The following GMDS variants were observed in gnomAD, a reference collection of about 807,000 sequenced individuals.
The protein encoded by GMDS is GDP-mannose 4,6 dehydratase.
GMDS carries 20 observed loss-of-function variants against 49.9 expected under a neutral mutation model. The observed-to-expected ratio is 0.40, with a 90% CI of 0.28 to 0.58. The LOEUF (loss-of-function observed/expected upper bound fraction) is 0.58. GMDS is among the 20% of genes least tolerant of loss of function. The pLI, the probability that GMDS is intolerant of heterozygous loss-of-function variation, is 0.42. For missense variants in GMDS, 362 were observed against 481.4 expected (o/e 0.75, Z 2.32); for synonymous variants, 177 against 178.6 (o/e 0.99, Z 0.07).
intron 4 of GMDS, among the ~76,000 whole-genome samples, chr6:2,009,761 A>C (rs1767432273): frequency 6.6e-6 from 1 of 152,324 alleles, no homozygotes; most frequent in East Asian, 1.9e-4. Flanking sequence ...AAAAGCTGCC[A>C]ATGTCAATGA....
intron 7 of GMDS, among the ~76,000 whole-genome samples, chr6:1,750,361 C>A (rs566163086): frequency 1.1e-4 from 16 of 152,292 alleles, no homozygotes; most frequent in African/African-American, 3.8e-4. Flanking sequence ...CAGGTGATTT[C>A]TGCATTTCCA....
At chr6:1,834,959 A>G (rs1258521649) in intron 7 of GMDS, among the ~76,000 whole-genome samples, 1 of 152,154 alleles carries the variant, frequency 6.6e-6, no homozygotes, top group African/African-American at 2.4e-5. Flanking sequence ...TTTCACGGAG[A>G]ATGTTCTTGT....
intron 1 of GMDS, among the ~76,000 whole-genome samples, chr6:2,227,623 T>C (rs1182136430): frequency 6.6e-6 from 1 of 152,214 alleles, no homozygotes; most frequent in Non-Finnish European, 1.5e-5. Context: ...CACCTGAGAT[T>C]GCACTGGATG....
In GMDS at chr6:2,108,125, T is replaced by C. The variant is rs576579223; in HGVS notation, c.345+7646A>G. 1.1e-4 allele frequency among the ~76,000 whole-genome samples: 16 copies of C among 152,318 alleles called. No individual in the cohort carries two copies. The South Asian group carries it at 2.9e-3, about 28-fold the overall frequency. ...AAGTTACAGTTTGTGTATACTAATA[T>C]ATGGACAAAAATGTATTTTCAGTGC... On this transcript the variant is annotated intron_variant, in intron 4 of 10. Coordinates refer to ENST00000380815, the MANE Select transcript of GMDS (RefSeq NM_001500.4).
intron 4 of GMDS, among the ~76,000 whole-genome samples, chr6:2,065,476 T>A (rs1362398448): frequency 1.3e-5 from 2 of 152,176 alleles, no homozygotes; most frequent in African/African-American, 4.8e-5. Flanking sequence ...TACTCCGAGT[T>A]ACAAGAGGAC....
intron 7 of GMDS, among the ~76,000 whole-genome samples, chr6:1,920,529 T>C (rs755146311): frequency 2.0e-5 from 3 of 152,204 alleles, no homozygotes; most frequent in Non-Finnish European, 4.4e-5. Flanking sequence ...CAAATACGTT[T>C]TGCCCTCTCC....
intron 6 of GMDS, among the ~76,000 whole-genome samples, chr6:1,959,201 C>T (rs2761241): frequency 0.63 from 95,305 of 151,920 alleles, 29,919 homozygotes; most frequent in Admixed American, 0.66. Context: ...TTAAGTATTT[C>T]TCAATTAGCT....
At chr6:1,786,903 G>A (rs1055226906) in intron 7 of GMDS, among the ~76,000 whole-genome samples, 1 of 151,994 alleles carries the variant, frequency 6.6e-6, no homozygotes, top group Non-Finnish European at 1.5e-5. Context: ...ACGGAAGTGA[G>A]TGAGCTGACT....
At chr6:2,146,663 A>G (rs1330528278) in intron 1 of GMDS, among the ~76,000 whole-genome samples, 3 of 152,150 alleles carry the variant, frequency 2.0e-5, no homozygotes, top group Admixed American at 1.3e-4. Flanking sequence ...TGCACACTCA[A>G]ACAAGCTTTT....
intron 1 of GMDS, among the ~76,000 whole-genome samples, chr6:2,192,460 C>T (rs943057342): frequency 6.6e-6 from 1 of 152,232 alleles, no homozygotes; most frequent in African/African-American, 2.4e-5. Context: ...CTGAAACATG[C>T]TCCTCACTCA....
chr6:1,699,658 C>A (rs1765471757), intron 9 of GMDS, among the ~76,000 whole-genome samples: 1 of 152,060 alleles, frequency 6.6e-6, no homozygotes, highest in Non-Finnish European at 1.5e-5. Flanking sequence ...GACCCTCCTG[C>A]CTTCCTCCTA....
intron 4 of GMDS, among the ~76,000 whole-genome samples, chr6:2,071,796 C>A (rs58499654): frequency 0.029 from 4,454 of 152,134 alleles, 135 homozygotes; most frequent in South Asian, 0.11. Context: ...CAAATGATTG[C>A]GAAGACTGAA....
At chr6:2,011,644 T>C (rs1767566511) in intron 4 of GMDS, among the ~76,000 whole-genome samples, 1 of 152,162 alleles carries the variant, frequency 6.6e-6, no homozygotes, top group African/African-American at 2.4e-5. Flanking sequence ...CCGGGTACGG[T>C]GACTCATGCC....
intron 6 of GMDS, among the ~76,000 whole-genome samples, chr6:1,954,678 TTTA>T (rs1341661658): frequency 6.6e-6 from 1 of 152,220 alleles, no homozygotes; most frequent in African/African-American, 2.4e-5. Flanking sequence ...CAGTGAAAAC[TTTA>T]TTATGAGATT....
At chr6:1,989,436 G>A (rs1484782043) in intron 4 of GMDS, among the ~76,000 whole-genome samples, 1 of 152,206 alleles carries the variant, frequency 6.6e-6, no homozygotes. Flanking sequence ...GGGTAACCCT[G>A]AGATCCCCAA....
intron 4 of GMDS, among the ~76,000 whole-genome samples, chr6:2,103,203 G>A (rs1774026783): frequency 6.6e-6 from 1 of 152,118 alleles, no homozygotes; most frequent in South Asian, 2.1e-4. Context: ...CTCATTTGGG[G>A]GAAGCAGCTA....
chr6:1,804,924 A>T (rs1770107851), intron 7 of GMDS, among the ~76,000 whole-genome samples: 1 of 152,240 alleles, frequency 6.6e-6, no homozygotes, highest in Non-Finnish European at 1.5e-5. Flanking sequence ...AAAAGAATTA[A>T]TGCCTTCGTT....
rs575667052 is a variant in GMDS at position 1,756,567 on chromosome 6, C to T, written c.772-13981G>A. ...GATTACAGGCATGAGCCACCATGCC[C>T]GGCTGGCTGCAGCCTTTTGATTGTT... is the stretch of plus-strand genomic sequence containing the variant. On this transcript the variant is annotated intron_variant, in intron 7 of 10. Transcript: ENST00000380815. 7.9e-5 allele frequency among the ~76,000 whole-genome samples: 12 copies of T among 152,086 alleles called. 1 individual carries two copies. In the South Asian group the frequency reaches 1.9e-3, roughly 24 times the overall value.
intron 7 of GMDS, among the ~76,000 whole-genome samples, chr6:1,872,512 C>A (rs1561857437): frequency 6.6e-6 from 1 of 152,190 alleles, no homozygotes; most frequent in Non-Finnish European, 1.5e-5. Flanking sequence ...ATATGATAGT[C>A]CTATGGATAA....
Sources: allele counts gnomAD v4.1 joint callset (sites outside exome capture counted in the v4.1 genomes callset), GRCh38; gene constraint gnomAD v4.1.1; transcripts MANE v1.5; gene names NCBI Gene and HGNC (gene_info 2026-07-23, HGNC 2026-07-21).